The following SUGCT variants were observed in gnomAD, a reference collection of about 807,000 sequenced individuals.
SUGCT encodes succinyl-CoA:glutarate CoA-transferase.
A neutral mutation model predicts 55.0 loss-of-function variants in SUGCT; 41 were observed. The ratio of observed to expected loss-of-function variants is 0.74; its 90% CI spans 0.58 to 0.97. SUGCT has a LOEUF of 0.97. Ranked by LOEUF, SUGCT falls within the 50% of genes least tolerant of loss-of-function variation. The pLI, the probability that SUGCT is intolerant of heterozygous loss-of-function variation, is 0.00. For synonymous variants in SUGCT, 187 were observed against 200.4 expected, an observed-to-expected ratio of 0.93 and a Z score of 0.56; for missense variants, 568 against 547.8, an observed-to-expected ratio of 1.04 and a Z score of -0.37.
In SUGCT at chr7:40,135,048, G is replaced by T. The variant is rs765041508; in HGVS notation, c.28G>T (p.Ala10Ser). The stretch of plus-strand genomic sequence containing the variant: ...GCTGGCGACGCTGGCGAGGGTGGCA[G>T]CTCTGCGCAGAACCTGCCTCTTCTC... MLATLARVA[A>S]LRRTCLFSGR... The change falls in exon 1 of 14, where the codon GCT (alanine) becomes TCT (serine). Residue 10 changes from alanine (A) to serine (S), a missense_variant. By Grantham distance (99) the Ala-to-Ser change is moderately conservative. Transcript: ENST00000335693. 5 of 1,562,018 alleles carry T rather than the reference G, an allele frequency of 3.2e-6. No individual in the cohort carries two copies. The highest frequency in any genetic ancestry group is 2.7e-5 in the African/African-American group (2 of 72,978).
chr7:40,594,368 A>G (rs939464153), intron 12 of SUGCT, among the ~76,000 whole-genome samples: 2 of 152,092 alleles, frequency 1.3e-5, no homozygotes, highest in African/African-American at 4.8e-5. Flanking sequence ...TAAAATCCCA[A>G]TATATTATCT....
At chr7:40,656,544 T>C (rs572563979) in intron 12 of SUGCT, among the ~76,000 whole-genome samples, 2 of 152,216 alleles carry the variant, frequency 1.3e-5, no homozygotes, top group Non-Finnish European at 1.5e-5. Context: ...ATGTAACCAA[T>C]TCCAGATGTG....
At chr7:40,635,133 A>G (rs1487063899) in intron 12 of SUGCT, among the ~76,000 whole-genome samples, 1 of 152,032 alleles carries the variant, frequency 6.6e-6, no homozygotes, top group African/African-American at 2.4e-5. Context: ...TAAAAATACA[A>G]AAATTAGCTG....
chr7:40,636,213 A>G (rs935696139), intron 12 of SUGCT, among the ~76,000 whole-genome samples: 1 of 152,196 alleles, frequency 6.6e-6, no homozygotes, highest in Non-Finnish European at 1.5e-5. Context: ...GTGGCTCTAA[A>G]GCTGGGGGCT....
chr7:40,583,007 G>A (rs540742012), intron 12 of SUGCT, among the ~76,000 whole-genome samples: 111 of 152,154 alleles, frequency 7.3e-4, no homozygotes, highest in African/African-American at 2.6e-3. Context: ...TTAAATCAGC[G>A]TAATAGCAAA....
chr7:40,698,533 G>C (rs936438311), intron 12 of SUGCT, among the ~76,000 whole-genome samples: 11 of 152,108 alleles, frequency 7.2e-5, no homozygotes, highest in African/African-American at 2.7e-4. Flanking sequence ...ACCACACCCT[G>C]TCATTTGCTG....
chr7:40,981,248 T>C, the SUGCT span, among the ~76,000 whole-genome samples: 1 of 152,154 alleles, frequency 6.6e-6, no homozygotes, highest in Admixed American at 6.5e-5. Context: ...GGGGTCCTTT[T>C]TTCCTTTTCT....
chr7:40,373,288 CAGAATCTATAGATTCTAGAAAATTT>C (rs1239496431), intron 9 of SUGCT, among the ~76,000 whole-genome samples: 93 of 18,282 alleles, frequency 5.1e-3, no homozygotes, highest in African/African-American at 0.01. Context: ...ATATAGAATT[CAGAATCTATAGATTCTAGAAAATTT>C]AGAATCTATA....
intron 1 of SUGCT, among the ~76,000 whole-genome samples, chr7:40,164,600 A>G (rs1457704316): frequency 2.0e-5 from 3 of 152,158 alleles, no homozygotes; most frequent in African/African-American, 7.2e-5. Context: ...TTTATTATGC[A>G]TAAACATTTG....
At chr7:40,350,114 T>C (rs1211628256) in intron 9 of SUGCT, among the ~76,000 whole-genome samples, 1 of 152,070 alleles carries the variant, frequency 6.6e-6, no homozygotes, top group Non-Finnish European at 1.5e-5. Context: ...TCTGCTATAA[T>C]ATCCTTTATT....
At position 40,207,578 on chromosome 7, in the gene SUGCT, A is replaced by G. The variant is rs560389955; in HGVS notation, c.484+12518A>G. On this transcript the variant is annotated intron_variant, in intron 6 of 13. Transcript: ENST00000335693. ...ACGCCTGTAATCCCAGCACTTTGGGAGGCCAAGGTGGGTGGGTCACTCGAT... is the reference window on the plus strand; with the variant it reads ...ACGCCTGTAATCCCAGCACTTTGGGGGGCCAAGGTGGGTGGGTCACTCGAT... 1.3e-4 allele frequency among the ~76,000 whole-genome samples: 20 copies of G among 152,302 alleles called. No individual in the cohort carries two copies. The East Asian group carries it at 3.9e-3, about 29-fold the overall frequency.
intron 12 of SUGCT, among the ~76,000 whole-genome samples, chr7:40,518,909 A>G (rs933920225): frequency 1.1e-4 from 17 of 152,104 alleles, no homozygotes; most frequent in Non-Finnish European, 2.9e-5. Flanking sequence ...AATATTCATG[A>G]TATAATAAAT....
At chr7:40,462,540 T>C (rs1012401453) in intron 11 of SUGCT, among the ~76,000 whole-genome samples, 24 of 152,136 alleles carry the variant, frequency 1.6e-4, no homozygotes, top group African/African-American at 4.3e-4. Flanking sequence ...CTCTACCTAG[T>C]AGAGAAGAGG....
intron 8 of SUGCT, among the ~76,000 whole-genome samples, chr7:40,286,730 G>A (rs1177953888): frequency 6.6e-6 from 1 of 152,228 alleles, no homozygotes; most frequent in Non-Finnish European, 1.5e-5. Flanking sequence ...ATACTCACGT[G>A]AAGAATAAAC....
chr7:40,444,132 A>T (rs1447749238), intron 9 of SUGCT, among the ~76,000 whole-genome samples: 1 of 152,064 alleles, frequency 6.6e-6, no homozygotes, highest in Non-Finnish European at 1.5e-5. Context: ...GTAGCCTTGT[A>T]GTGTAGTTTG....
chr7:40,346,594 T>G (rs1254709992), intron 9 of SUGCT, among the ~76,000 whole-genome samples: 1 of 152,204 alleles, frequency 6.6e-6, no homozygotes, highest in East Asian at 1.9e-4. Flanking sequence ...CCTTATTGGC[T>G]GAACTTAGAA....
At chr7:40,424,181 T>G (rs1035010383) in intron 9 of SUGCT, among the ~76,000 whole-genome samples, 1 of 152,146 alleles carries the variant, frequency 6.6e-6, no homozygotes, top group African/African-American at 2.4e-5. Context: ...AAATAAGCAC[T>G]ATTGTTATTA....
chr7:40,335,087 G>T (rs1181910160), intron 9 of SUGCT, among the ~76,000 whole-genome samples: 1 of 151,840 alleles, frequency 6.6e-6, no homozygotes, highest in Non-Finnish European at 1.5e-5. Flanking sequence ...GTTTCTGAGG[G>T]CTCTGTTCTG....
At chr7:40,927,205 C>T in the SUGCT span, among the ~76,000 whole-genome samples, 54 of 152,164 alleles carry the variant, frequency 3.5e-4, no homozygotes, top group African/African-American at 1.3e-3. Flanking sequence ...TATCTGATCT[C>T]GTTTGTGAGT....
Sources: gnomAD v4.1 joint callset for allele counts (sites outside exome capture counted in the v4.1 genomes callset) on GRCh38, gnomAD v4.1.1 for gene constraint, MANE v1.5 for transcripts, NCBI Gene and HGNC (gene_info 2026-07-23, HGNC 2026-07-21) for gene names.